Variants in CHD6 observed in about 807,000 individuals in gnomAD.
CHD6 encodes chromodomain helicase DNA binding protein 6, also known as ATP-dependent chromatin remodeler CHD6.
Under a neutral mutation model 276.9 loss-of-function variants are expected in CHD6, and 50 were observed. The observed-to-expected ratio is 0.18, with a 90% confidence interval of 0.14 to 0.23. The LOEUF is 0.23. Among genes scored for constraint, CHD6 ranks in the 10% least tolerant of loss-of-function variants. CHD6 has a pLI of 1.00. For synonymous variants in CHD6, 1,173 were observed against 1,229.3 expected, an observed-to-expected ratio of 0.95 and a Z score of 0.96; for missense variants, 2,564 against 3,365.8, an observed-to-expected ratio of 0.76 and a Z score of 5.89.
In CHD6 at chr20:41,490,031, G is replaced by A; in HGVS notation, c.1437-10C>T. The A allele has an allele frequency of 6.2e-7, 1 of 1,611,536 alleles. No homozygotes were observed. On this transcript the variant is annotated splice_polypyrimidine_tract_variant and intron_variant, in intron 11 of 36. Coordinates refer to ENST00000373233, the MANE Select transcript of CHD6 (RefSeq NM_032221.5). ...CAAAATACAGTTTTTTCTGCAGAGA[G>A]TGAGAAATATAGGTAATTCATTATC... is the stretch of plus-strand genomic sequence containing the variant.
Position 41,578,641 on chromosome 20 carries a change from C to T in CHD6, c.-23-27281G>A, listed in dbSNP as rs973846366. Among the ~76,000 whole-genome samples the T allele has an allele frequency of 2.0e-5, 3 of 150,012 alleles. No homozygotes were observed. The East Asian group carries it at 5.9e-4, about 29-fold the overall frequency. On this transcript the variant is annotated intron_variant, in intron 1 of 36. Coordinates refer to ENST00000373233, the MANE Select transcript of CHD6 (RefSeq NM_032221.5). Reference sequence around the variant, plus strand: ...GTCGCAGTGAGCCGAGATCGCACCACCACACTCCACTACAGCCCGGGCAAC... The same window carrying T: ...GTCGCAGTGAGCCGAGATCGCACCATCACACTCCACTACAGCCCGGGCAAC...
At chr20:41,569,971 T>G (rs147330667) in intron 1 of CHD6, among the ~76,000 whole-genome samples, 4 of 152,172 alleles carry the variant, frequency 2.6e-5, no homozygotes, top group Non-Finnish European at 2.9e-5. Flanking sequence ...TGTTCCAATG[T>G]TCCCTTCCAT....
At chr20:41,530,045 G>C (rs1260654656) in intron 3 of CHD6, among the ~76,000 whole-genome samples, 1 of 152,218 alleles carries the variant, frequency 6.6e-6, no homozygotes, top group Non-Finnish European at 1.5e-5. Context: ...AAGGAATGGA[G>C]CACACATGGC....
At chr20:41,426,324 G>A (rs777283977) in intron 27 of CHD6, among the ~76,000 whole-genome samples, 171 bp from the exon 28 acceptor site, 1 of 152,168 alleles carries the variant, frequency 6.6e-6, no homozygotes, top group Non-Finnish European at 1.5e-5. Context: ...AATCTTAAAA[G>A]AGCCAGAAAG....
rs938868590 is a variant in CHD6, at chr20:41,479,800, G to A, written c.2468+3509C>T. On this transcript the variant is annotated intron_variant, in intron 16 of 36. Transcript: ENST00000373233. The stretch of plus-strand genomic sequence containing the variant: ...GCATCTGAACTTAGATTTCAGATGG[G>A]AAAGATCTATTTAGTATCCAGCACC... Among the ~76,000 whole-genome samples, 2 of 152,154 alleles carry A rather than the reference G, an allele frequency of 1.3e-5. 1 individual carries two copies. Among genetic ancestry groups the A allele is most frequent in the Non-Finnish European group, 2.9e-5 (2 of 68,024 alleles).
chr20:41,535,341 C>T (rs1262469587), intron 2 of CHD6, among the ~76,000 whole-genome samples: 1 of 152,174 alleles, frequency 6.6e-6, no homozygotes, highest in Non-Finnish European at 1.5e-5. Context: ...TTATAACAAT[C>T]CCACAGGGTC....
intron 14 of CHD6, among the ~76,000 whole-genome samples, chr20:41,484,850 A>G (rs562843448): frequency 2.0e-5 from 3 of 152,296 alleles, no homozygotes; most frequent in African/African-American, 7.2e-5. Flanking sequence ...AGAAGATAAA[A>G]AGGGAGAAAG....
At position 41,430,114 on chromosome 20, in the gene CHD6, G is replaced by T. The variant is rs533165438; in HGVS notation, c.4069-3961C>A. On this transcript the variant is annotated intron_variant, in intron 27 of 36. Coordinates refer to ENST00000373233, the MANE Select transcript of CHD6 (RefSeq NM_032221.5). ...CAGGGTGGGCAGCAGGCCTGGCTCA[G>T]ATGCCGGCCATCCCTCTATGTGTGT... Among the ~76,000 whole-genome samples the T allele has an allele frequency of 3.0e-4, 45 of 152,332 alleles. No homozygotes were observed. In the South Asian group the frequency reaches 5.6e-3, roughly 19 times the overall value.
chr20:41,490,072 T>G (rs375184568), intron 11 of CHD6, 51 bp from the exon 12 acceptor site: 3 of 1,512,100 alleles, frequency 2.0e-6, no homozygotes, highest in South Asian at 2.3e-5. Flanking sequence ...AGGAAACTTA[T>G]AGAGGCTGGT....
At chr20:41,424,894 G>A (rs948014425) in intron 29 of CHD6, among the ~76,000 whole-genome samples, 1 of 152,210 alleles carries the variant, frequency 6.6e-6, no homozygotes, top group African/African-American at 2.4e-5. Flanking sequence ...CCATTGTGGT[G>A]TTTCTAAACC....
rs372240783 is a variant in CHD6 at position 41,604,944 on chromosome 20, C to T, written c.-24+13396G>A. On this transcript the variant is annotated intron_variant, in intron 1 of 36. Transcript: ENST00000373233. ...GGACAGGGAGTTGGGGGTGGGGAGG[C>T]TACAAATAACATTTTCATGGGAAAA... 5.5e-4 allele frequency among the ~76,000 whole-genome samples: 84 copies of T among 152,186 alleles called. No individual in the cohort carries two copies. In the East Asian group the frequency reaches 0.013, roughly 23 times the overall value.
chr20:41,584,740 C>A (rs1374180584), intron 1 of CHD6, among the ~76,000 whole-genome samples: 1 of 151,852 alleles, frequency 6.6e-6, no homozygotes, highest in East Asian at 1.9e-4. Context: ...CAAGGGAAAC[C>A]AGAAAATACT....
intron 1 of CHD6, among the ~76,000 whole-genome samples, chr20:41,556,459 T>C (rs1041018643): frequency 1.3e-5 from 2 of 151,856 alleles, no homozygotes; most frequent in South Asian, 2.1e-4. Flanking sequence ...AGTTCCACTT[T>C]AAGGAATATC....
chr20:41,562,300 T>C (rs1009413995), intron 1 of CHD6, among the ~76,000 whole-genome samples: 2 of 152,204 alleles, frequency 1.3e-5, no homozygotes, highest in Non-Finnish European at 2.9e-5. Context: ...GGCATTCAAA[T>C]GACAAATGGT....
At chr20:41,585,892 G>A (rs2045589260) in intron 1 of CHD6, among the ~76,000 whole-genome samples, 2 of 152,132 alleles carry the variant, frequency 1.3e-5, no homozygotes, top group South Asian at 4.1e-4. Flanking sequence ...GGATTTCCTA[G>A]GCCGACTAAG....
At chr20:41,615,500 A>G (rs149763802) in intron 1 of CHD6, among the ~76,000 whole-genome samples, 1 of 152,390 alleles carries the variant, frequency 6.6e-6, no homozygotes, top group Non-Finnish European at 1.5e-5. Context: ...GAATTAAACT[A>G]AAGCTCTGCA....
At chr20:41,577,101 T>C (rs1431496643) in intron 1 of CHD6, among the ~76,000 whole-genome samples, 1 of 152,164 alleles carries the variant, frequency 6.6e-6, no homozygotes, top group Non-Finnish European at 1.5e-5. Flanking sequence ...ATAAGATACA[T>C]TACTTCAACA....
Position 41,426,159 on chromosome 20 carries a change from G to A in CHD6, c.4069-6C>T. ...CCTCCATCACTGGAACTCTCCTAGG[G>A]ATAAATAAAGCCATCCCATCAGCAA... On this transcript the variant is annotated splice_polypyrimidine_tract_variant and splice_region_variant and intron_variant, in intron 27 of 36. Transcript: ENST00000373233. The A allele has an allele frequency of 6.8e-6, 11 of 1,609,316 alleles. No homozygotes were observed. The highest frequency in any genetic ancestry group is 9.4e-6 in the Non-Finnish European group (11 of 1,175,580).
intron 1 of CHD6, among the ~76,000 whole-genome samples, chr20:41,593,202 A>AGGG (rs5841412): frequency 0.028 from 3,314 of 116,870 alleles, 155 homozygotes; most frequent in Non-Finnish European, 0.05. Flanking sequence ...CCAATCAAAA[A>AGGG]GGGGGGGGGG....
Sources: allele counts gnomAD v4.1 joint callset (sites outside exome capture counted in the v4.1 genomes callset), GRCh38; gene constraint gnomAD v4.1.1; transcripts MANE v1.5; gene names NCBI Gene and HGNC (gene_info 2026-07-23, HGNC 2026-07-21).